The following SH3PXD2A variants were observed in gnomAD, a reference collection of about 807,000 sequenced individuals.
The protein encoded by SH3PXD2A is SH3 and PX domain-containing protein 2A.
Under a neutral mutation model 115.2 loss-of-function variants are expected in SH3PXD2A, and 32 were observed. That is an observed-to-expected ratio of 0.28 (90% confidence interval 0.21 to 0.37). SH3PXD2A has a LOEUF of 0.37. Among genes scored for constraint, SH3PXD2A ranks in the 10% least tolerant of loss-of-function variants. The pLI is 1.00. For missense variants in SH3PXD2A, 1,328 were observed against 1,498.7 expected, an observed-to-expected ratio of 0.89 and a Z score of 1.88; for synonymous variants, 610 against 629.1, an observed-to-expected ratio of 0.97 and a Z score of 0.45.
rs116253423 is a variant in SH3PXD2A, at chr10:103,644,789, G to A, written c.604+16194C>T. The stretch of plus-strand genomic sequence containing the variant: ...ACTTGACAATTTTCTTTCACAGCTG[G>A]CCTTTCCCAATAGCCACATGGGTTT... On this transcript the variant is annotated intron_variant, in intron 8 of 14. Transcript: ENST00000369774. Among the ~76,000 whole-genome samples, 910 of 152,220 alleles carry A rather than the reference G, an allele frequency of 6.0e-3. 8 individuals are homozygous for A. Among genetic ancestry groups the A allele is most frequent in the African/African-American group, 0.02 (845 of 41,532 alleles).
intron 5 of SH3PXD2A, among the ~76,000 whole-genome samples, chr10:103,702,585 C>CTGTG (rs61568990): frequency 0.049 from 1,631 of 32,982 alleles, 37 homozygotes; most frequent in African/African-American, 0.16. Context: ...AGATGTAAGC[C>CTGTG]TGTGTGTGTG....
At chr10:103,706,475 G>A (rs1474864432) in intron 5 of SH3PXD2A, among the ~76,000 whole-genome samples, 2 of 152,208 alleles carry the variant, frequency 1.3e-5, no homozygotes, top group Non-Finnish European at 2.9e-5. Flanking sequence ...TTCTAGCAGA[G>A]CACTGGATTA....
At position 103,602,791 on chromosome 10, in the gene SH3PXD2A, CTCG is replaced by C; in HGVS notation, c.2424_2426del (p.Glu809del). On this transcript the variant is annotated inframe_deletion, in exon 15 of 15. Transcript: ENST00000369774. ...TTCTCCTAGACCCCTCACTGGGAGC[CTCG>C]GAGGCCGTCTGCGGGGGCAGCTCCG... 1 of 1,614,156 alleles carries C rather than the reference CTCG, an allele frequency of 6.2e-7. No individual in the cohort carries two copies.
chr10:103,708,340 G>C (rs1052582065), intron 5 of SH3PXD2A, among the ~76,000 whole-genome samples: 1 of 152,178 alleles, frequency 6.6e-6, no homozygotes, highest in Non-Finnish European at 1.5e-5. Flanking sequence ...CGGCTGCCAG[G>C]CTCTTTCCTC....
chr10:103,846,323 A>T (rs1842848043), intron 1 of SH3PXD2A, among the ~76,000 whole-genome samples: 1 of 135,268 alleles, frequency 7.4e-6, no homozygotes, highest in Admixed American at 7.7e-5. Context: ...GGGACTGGGA[A>T]TAACTCTGTC....
At chr10:103,678,702 C>T (rs1241047414) in intron 6 of SH3PXD2A, among the ~76,000 whole-genome samples, 1 of 152,134 alleles carries the variant, frequency 6.6e-6, no homozygotes, top group Non-Finnish European at 1.5e-5. Context: ...GAGGGAGATT[C>T]CTTCCCTGAT....
In SH3PXD2A at chr10:103,821,913, T is replaced by C. The variant is rs1360579764; in HGVS notation, c.73-20551A>G. 2.0e-5 allele frequency among the ~76,000 whole-genome samples: 3 copies of C among 150,548 alleles called. No homozygotes were observed. The East Asian group carries it at 5.8e-4, about 29-fold the overall frequency. On this transcript the variant is annotated intron_variant, in intron 1 of 14. Coordinates refer to ENST00000369774, the MANE Select transcript of SH3PXD2A (RefSeq NM_001394015.1). Reference sequence around the variant, plus strand: ...TACTTCATCCTTCTTCTTTTTCTTTTTTTTTTTTGAGACAAAGTCTTGCTC... The same window carrying C: ...TACTTCATCCTTCTTCTTTTTCTTTCTTTTTTTTGAGACAAAGTCTTGCTC...
chr10:103,640,745 A>C (rs746334607), intron 8 of SH3PXD2A, among the ~76,000 whole-genome samples: 1 of 152,166 alleles, frequency 6.6e-6, no homozygotes, highest in Non-Finnish European at 1.5e-5. Context: ...GAATGCTGGG[A>C]GAGCCTGGGA....
chr10:103,751,437 A>T (rs1269794955), intron 3 of SH3PXD2A, among the ~76,000 whole-genome samples: 1 of 152,214 alleles, frequency 6.6e-6, no homozygotes, highest in Non-Finnish European at 1.5e-5. Context: ...CAATATAGAT[A>T]CCATTATTCT....
rs537095425 is a variant in SH3PXD2A, at chr10:103,812,303, G to A, written c.73-10941C>T. ...GGGTAATGCCCAGGAGCCCAGAGAG[G>A]GCGATGGTGTGCCTAGGCTGAGGTG... On this transcript the variant is annotated intron_variant, in intron 1 of 14. Transcript: ENST00000369774. 2.0e-5 allele frequency among the ~76,000 whole-genome samples: 3 copies of A among 152,344 alleles called. No homozygotes were observed. The South Asian group carries it at 6.2e-4, about 32-fold the overall frequency.
intron 2 of SH3PXD2A, among the ~76,000 whole-genome samples, chr10:103,783,194 G>T (rs954018606): frequency 6.6e-6 from 1 of 152,232 alleles, no homozygotes; most frequent in Non-Finnish European, 1.5e-5. Flanking sequence ...CTGGGGGCAG[G>T]CAAGGAGTTT....
intron 8 of SH3PXD2A, among the ~76,000 whole-genome samples, chr10:103,633,610 C>T (rs946508279): frequency 6.6e-6 from 1 of 151,324 alleles, no homozygotes; most frequent in African/African-American, 2.4e-5. Context: ...TGCCTGTAAT[C>T]CCAGCTACTT....
chr10:103,631,892 A>C (rs2036785554), intron 8 of SH3PXD2A, among the ~76,000 whole-genome samples: 1 of 151,948 alleles, frequency 6.6e-6, no homozygotes, highest in Non-Finnish European at 1.5e-5. Context: ...TCAAGGTGGG[A>C]GGACTGCTTG....
At chr10:103,775,135 G>A (rs1195997893) in intron 2 of SH3PXD2A, among the ~76,000 whole-genome samples, 1 of 152,170 alleles carries the variant, frequency 6.6e-6, no homozygotes, top group African/African-American at 2.4e-5. Context: ...CTCATGCCAC[G>A]CTGAGGAAGC....
chr10:103,619,815 C>G (rs1248024840), intron 10 of SH3PXD2A, among the ~76,000 whole-genome samples: 1 of 152,250 alleles, frequency 6.6e-6, no homozygotes, highest in African/African-American at 2.4e-5. Flanking sequence ...AGTTCACGTG[C>G]TGCTGGTGAG....
At position 103,678,965 on chromosome 10, in the gene SH3PXD2A, G is replaced by A. The variant is rs566154584; in HGVS notation, c.428-10313C>T. Among the ~76,000 whole-genome samples, 11 of 152,294 alleles carry A rather than the reference G, an allele frequency of 7.2e-5. No individual in the cohort carries two copies. In the South Asian group the frequency reaches 2.1e-3, roughly 29 times the overall value. On this transcript the variant is annotated intron_variant, in intron 6 of 14. Coordinates refer to ENST00000369774, the MANE Select transcript of SH3PXD2A (RefSeq NM_001394015.1). ...CCTCTGAAACAGAACCACACAGTAG[G>A]TGCTCCAGGGCTATGAAAGAGATGC...
At chr10:103,650,802 C>T (rs1479588422) in intron 8 of SH3PXD2A, among the ~76,000 whole-genome samples, 1 of 152,204 alleles carries the variant, frequency 6.6e-6, no homozygotes, top group African/African-American at 2.4e-5. Context: ...ACTGTAGGTG[C>T]AGAGTGAAAA....
intron 7 of SH3PXD2A, chr10:103,661,668 C>T (rs2134055328): frequency 4.1e-6 from 4 of 985,346 alleles, no homozygotes; most frequent in South Asian, 9.4e-5. Flanking sequence ...CTCCCTCGGG[C>T]GGGAGAGGGA....
In SH3PXD2A at chr10:103,617,220, A is replaced by G. The variant is rs1003969245; in HGVS notation, c.897T>C (p.Asn299=). The stretch of plus-strand genomic sequence containing the variant: ...ACCTGATATACCACCAGCCTTCCAG[A>G]TTCTTCCGGATCACCTCCACTGTGA... ...KGVTVEVIRK[N]LEGWWYIRYL... Residue 299 remains asparagine, a synonymous_variant, in exon 11 of 15, where the codon AAT becomes AAC. Coordinates refer to ENST00000369774, the MANE Select transcript of SH3PXD2A (RefSeq NM_001394015.1). The G allele has an allele frequency of 3.1e-6, 5 of 1,613,790 alleles. No individual in the cohort carries two copies. Among genetic ancestry groups the G allele is most frequent in the Non-Finnish European group, 4.2e-6 (5 of 1,179,682 alleles).
Sources: allele counts gnomAD v4.1 joint callset (sites outside exome capture counted in the v4.1 genomes callset), GRCh38; gene constraint gnomAD v4.1.1; transcripts MANE v1.5; gene names NCBI Gene and HGNC (gene_info 2026-07-23, HGNC 2026-07-21).